ZNF516: variants seen among roughly 807,000 people sequenced by gnomAD.
ZNF516 encodes the protein zinc finger protein 516.
A neutral mutation model predicts 79.7 loss-of-function variants in ZNF516; 19 were observed. That is an observed-to-expected ratio of 0.24 (90% CI 0.17 to 0.35). The LOEUF is 0.35. ZNF516 is among the 10% of genes least tolerant of loss of function. The probability of loss-of-function intolerance (pLI) is 1.00; values close to 1 mark genes in which losing one functional copy is unlikely to be tolerated. For synonymous variants in ZNF516, 877 were observed against 739.5 expected (o/e 1.19, Z -3.02); for missense variants, 1,678 against 1,679.5 (o/e 1.00, Z 0.02).
At chr18:76,375,534 A>G (rs940151203) in intron 4 of ZNF516, among the ~76,000 whole-genome samples, 1 of 150,378 alleles carries the variant, frequency 6.6e-6, no homozygotes, top group Non-Finnish European at 1.5e-5. Context: ...AAGGTCCTGG[A>G]GATCAGGTAG....
intron 3 of ZNF516, among the ~76,000 whole-genome samples, chr18:76,406,139 C>A (rs571040111): frequency 6.6e-6 from 1 of 152,226 alleles, no homozygotes; most frequent in African/African-American, 2.4e-5. Context: ...AGGCACCGCC[C>A]GGCCTGCAAC....
At chr18:76,431,580 G>C (rs1383957217) in intron 3 of ZNF516, among the ~76,000 whole-genome samples, 1 of 152,218 alleles carries the variant, frequency 6.6e-6, no homozygotes, top group East Asian at 1.9e-4. Flanking sequence ...GGCGGTGTCT[G>C]GGCCATGGGG....
rs56107575 is a variant in ZNF516 at position 76,467,220 on chromosome 18, C to G, written c.-271-4079G>C. On this transcript the variant is annotated intron_variant, in intron 1 of 6. Transcript: ENST00000443185. The surrounding 1 kb of genome is among the most constrained non-coding windows in gnomAD (Gnocchi z 4.2). ...ACCTGCAGCTCACAGCCCCTCTGGG[C>G]TGGCAGGAAGTCCTGCGTGTCTCTC... Among the ~76,000 whole-genome samples, 8 of 9,110 alleles carry G rather than the reference C, an allele frequency of 8.8e-4. No homozygotes were observed. The highest frequency in any genetic ancestry group is 1.3e-3 in the Admixed American group (1 of 762). The allele number at this position is 9,110 out of a possible 152,430, so 6.0% of individuals were successfully genotyped here. A position where few individuals can be genotyped will look rare whatever the true frequency, so the allele number is the denominator to read the frequency against.
chr18:76,367,174 G>C (rs2074626253), intron 6 of ZNF516, among the ~76,000 whole-genome samples: 2 of 152,146 alleles, frequency 1.3e-5, no homozygotes, highest in African/African-American at 2.4e-5. Flanking sequence ...CCTGAAGCCA[G>C]ACCTGGGGTC....
At chr18:76,386,437 G>A (rs777731311) in intron 3 of ZNF516, 1 of 152,354 alleles carries the variant, frequency 6.6e-6, no homozygotes, top group Non-Finnish European at 1.5e-5. Context: ...AGGCTGACAA[G>A]GAAGGGGGAT....
At chr18:76,483,259 C>A (rs1914632256) in intron 1 of ZNF516, among the ~76,000 whole-genome samples, 1 of 152,128 alleles carries the variant, frequency 6.6e-6, no homozygotes, top group Admixed American at 6.5e-5. Context: ...GCAGACACAG[C>A]TCAAGCCAGC....
intron 3 of ZNF516, among the ~76,000 whole-genome samples, chr18:76,413,028 C>T (rs866933036): frequency 2.2e-4 from 33 of 152,206 alleles, no homozygotes; most frequent in African/African-American, 8.0e-4. Context: ...AGACACTGCA[C>T]CTGCCAAGGT....
chr18:76,411,430 A>C (rs1476562334), intron 3 of ZNF516, among the ~76,000 whole-genome samples: 1 of 152,210 alleles, frequency 6.6e-6, no homozygotes, highest in Non-Finnish European at 1.5e-5. Context: ...CAACAAAAAT[A>C]TTTCTTAACC....
chr18:76,377,715 A>ATT lies in ZNF516; in HGVS notation c.3259+1138_3259+1139dup, dbSNP rs1213742643. ...TAAGAAACCACAGGCTTACAACGTTATTTTTTTTTTTTTTTTTTGAGATGG... is the reference window on the plus strand; with the variant it reads ...TAAGAAACCACAGGCTTACAACGTTATTTTTTTTTTTTTTTTTTTTGAGATGG... On this transcript the variant is annotated intron_variant, in intron 4 of 6. Coordinates refer to ENST00000443185, the MANE Select transcript of ZNF516 (RefSeq NM_014643.4). Among the ~76,000 whole-genome samples the ATT allele has an allele frequency of 6.4e-4, 85 of 133,626 alleles. 1 individual carries two copies. The highest frequency in any genetic ancestry group is 2.1e-3 in the African/African-American group (77 of 36,346). 87.7% of individuals were successfully genotyped at this position (133,626 alleles called of 152,430 possible). A position where few individuals can be genotyped will look rare whatever the true frequency, so the allele number is the denominator to read the frequency against.
At chr18:76,449,043 T>C (rs1912236482) in intron 2 of ZNF516, among the ~76,000 whole-genome samples, 1 of 152,122 alleles carries the variant, frequency 6.6e-6, no homozygotes, top group Non-Finnish European at 1.5e-5. Context: ...AGGTCCTCCC[T>C]GGCTCCTCCC....
intron 2 of ZNF516, among the ~76,000 whole-genome samples, chr18:76,447,024 A>T (rs540218866): frequency 6.6e-6 from 1 of 152,304 alleles, no homozygotes; most frequent in East Asian, 1.9e-4. Flanking sequence ...TTGACTAGCA[A>T]AGTTTCTCAA....
chr18:76,407,285 C>A (rs773165233), intron 3 of ZNF516, among the ~76,000 whole-genome samples: 1 of 152,136 alleles, frequency 6.6e-6, no homozygotes, highest in Non-Finnish European at 1.5e-5. Context: ...ATTAGCCAGG[C>A]ATGGTGGTGT....
intron 2 of ZNF516, among the ~76,000 whole-genome samples, chr18:76,457,318 T>A (rs1237975733): frequency 6.6e-6 from 1 of 152,270 alleles, no homozygotes; most frequent in Non-Finnish European, 1.5e-5. Flanking sequence ...ATATTTGTTT[T>A]CTTTGAGAAG....
At chr18:76,470,024 A>G (rs771451157) in intron 1 of ZNF516, among the ~76,000 whole-genome samples, 3 of 152,260 alleles carry the variant, frequency 2.0e-5, no homozygotes, top group Non-Finnish European at 4.4e-5. Flanking sequence ...ACTGCATGAA[A>G]TATGTTCATC....
chr18:76,482,483 G>A (rs7244046), intron 1 of ZNF516, among the ~76,000 whole-genome samples: 48,526 of 152,118 alleles, frequency 0.32, 8,157 homozygotes, highest in East Asian at 0.41. Context: ...CAGGGTGGAC[G>A]TCGGTACTTC....
chr18:76,443,090 CTTTCTG>C lies in ZNF516; in HGVS notation c.-42_-37del. 6.5e-7 allele frequency: 1 copy of C among 1,541,226 alleles called. No individual in the cohort carries two copies. Among genetic ancestry groups the C allele is most frequent in the East Asian group, 2.4e-5 (1 of 41,952 alleles). On this transcript the variant is annotated 5_prime_UTR_variant, in exon 3 of 7. Transcript: ENST00000443185. ...GGCGCGGCCGGTGGTGGCGGCACAG[CTTTCTG>C]TCGCGCGGGCTGCAGGGACCGTCCT...
At chr18:76,437,643 C>T (rs2075761023) in intron 3 of ZNF516, among the ~76,000 whole-genome samples, 1 of 152,090 alleles carries the variant, frequency 6.6e-6, no homozygotes, top group Non-Finnish European at 1.5e-5. Context: ...CCAGGATGCT[C>T]AAGTCCCTGG....
intron 3 of ZNF516, among the ~76,000 whole-genome samples, chr18:76,413,137 G>T (rs546117322): frequency 6.6e-6 from 1 of 152,254 alleles, no homozygotes; most frequent in South Asian, 2.1e-4. Flanking sequence ...ATGCCATACG[G>T]TTTATTCCCA....
intron 3 of ZNF516, among the ~76,000 whole-genome samples, chr18:76,418,476 T>TGCTGTAACACACTAACATAC: frequency 6.6e-6 from 1 of 151,882 alleles, no homozygotes; most frequent in South Asian, 2.1e-4. Context: ...CGCTACAACA[T>TGCTGTAACACACTAACATAC]GCTGTAACAC....
Sources: gnomAD v4.1 joint callset for allele counts (sites outside exome capture counted in the v4.1 genomes callset) on GRCh38, gnomAD v4.1.1 for gene constraint, Gnocchi (gnomAD v3.1) non-coding constraint, MANE v1.5 for transcripts, NCBI Gene and HGNC (gene_info 2026-07-23, HGNC 2026-07-21) for gene names.